Variants in MSH4 observed in about 807,000 individuals in gnomAD.
The protein encoded by MSH4 is mutS protein homolog 4.
In MSH4, 106 loss-of-function variants were observed where a neutral mutation model predicts 113.7. The ratio of observed to expected loss-of-function variants is 0.93; its 90% CI spans 0.80 to 1.10. The LOEUF (loss-of-function observed/expected upper bound fraction) is 1.10, where lower values mean the gene tolerates loss of function less well. Among genes scored for constraint, MSH4 ranks in the 50% least tolerant of loss-of-function variants. The probability of loss-of-function intolerance (pLI) is 0.00; values close to 1 mark genes in which losing one functional copy is unlikely to be tolerated. For synonymous variants in MSH4, 368 were observed against 380.2 expected (o/e 0.97, Z 0.37); for missense variants, 1,061 against 1,093.7 (o/e 0.97, Z 0.42).
In MSH4 at chr1:75,803,801, C is replaced by T. The variant is rs1570938301; in HGVS notation, c.315C>T (p.Ser105=). Residue 105 remains serine, a synonymous_variant, in exon 2 of 20, where the codon AGC becomes AGT. Transcript: ENST00000263187. ...CATCAAATTTTACTTTTGGTGCAAG[C>T]TCATCTTCTGCACGAGATACTAATT... The part of the protein sequence containing the change: ...TVASNFTFGA[S]SSSARDTNYP... 2 of 1,607,226 alleles carry T rather than the reference C, an allele frequency of 1.2e-6. No homozygotes were observed. The highest frequency in any genetic ancestry group is 2.3e-5 in the East Asian group (1 of 44,418).
intron 6 of MSH4, among the ~76,000 whole-genome samples, chr1:75,818,994 C>T (rs1436148907): frequency 1.3e-5 from 2 of 152,010 alleles, no homozygotes; most frequent in Non-Finnish European, 2.9e-5. Context: ...TCTCGATCTC[C>T]TGACCTCATG....
chr1:75,811,909 T>C (rs1406492297), intron 4 of MSH4, among the ~76,000 whole-genome samples: 2 of 152,340 alleles, frequency 1.3e-5, no homozygotes, highest in African/African-American at 2.4e-5. Context: ...ATTTCCTGTA[T>C]AGATGAGCTG....
At chr1:75,885,816 G>T (rs1372796874) in intron 15 of MSH4, among the ~76,000 whole-genome samples, 3 of 121,104 alleles carry the variant, frequency 2.5e-5, no homozygotes, top group African/African-American at 6.3e-5. Context: ...TACATATTAT[G>T]TATAGTATAT....
chr1:75,833,483 T>A (rs570316766), intron 7 of MSH4, among the ~76,000 whole-genome samples: 2 of 152,030 alleles, frequency 1.3e-5, no homozygotes, highest in Non-Finnish European at 2.9e-5. Context: ...AACTGGACAA[T>A]CCTAAACCAA....
Position 75,899,604 on chromosome 1 carries a change from A to G in MSH4, c.2531-14A>G, listed in dbSNP as rs200740326. 566 of 1,455,092 alleles carry G rather than the reference A, an allele frequency of 3.9e-4. No individual in the cohort carries two copies. Among genetic ancestry groups the G allele is most frequent in the Non-Finnish European group, 4.9e-4 (532 of 1,096,590 alleles). The allele number at this position is 1,455,092 out of a possible 1,614,324, so 90.1% of individuals were successfully genotyped here. On this transcript the variant is annotated splice_polypyrimidine_tract_variant and intron_variant, in intron 18 of 19. Transcript: ENST00000263187. ...TAACAATATTGAAGCCAAATTTAAA[A>G]CAAATAATTCTAGGATTAAAAGCTG...
At chr1:75,843,965 C>T (rs1651023836) in intron 7 of MSH4, among the ~76,000 whole-genome samples, 1 of 152,164 alleles carries the variant, frequency 6.6e-6, no homozygotes, top group South Asian at 2.1e-4. Flanking sequence ...GCATGCACCA[C>T]CATGCCTGGC....
At chr1:75,837,386 CTTTTTTT>C (rs34812368) in intron 7 of MSH4, among the ~76,000 whole-genome samples, 1 of 106,628 alleles carries the variant, frequency 9.4e-6, no homozygotes, top group Non-Finnish European at 1.9e-5. Flanking sequence ...AAATTGTGCC[CTTTTTTT>C]TTTTTTTTTT....
rs185204362 is a variant in MSH4 at position 75,896,932 on chromosome 1, T to G, written c.2356-975T>G. ...GTTTTGTTTTATACTCCTTTTGATT[T>G]GTTGAGTAGGTATTTAAGAATTTTC... On this transcript the variant is annotated intron_variant, in intron 17 of 19. Coordinates refer to ENST00000263187, the MANE Select transcript of MSH4 (RefSeq NM_002440.4). Among the ~76,000 whole-genome samples, 62 of 152,302 alleles carry G rather than the reference T, an allele frequency of 4.1e-4. 1 individual carries two copies. Among genetic ancestry groups the G allele is most frequent in the Middle Eastern group, 3.4e-3 (1 of 294 alleles).
intron 7 of MSH4, among the ~76,000 whole-genome samples, chr1:75,832,915 G>T (rs1448470080): frequency 3.3e-5 from 5 of 152,138 alleles, no homozygotes; most frequent in Non-Finnish European, 7.3e-5. Context: ...ATTCAACATA[G>T]TGTTGGCAGT....
chr1:75,797,268 G>A, intron 1 of MSH4, 39 bp downstream of exon 1: 1 of 1,572,672 alleles, frequency 6.4e-7, no homozygotes, highest in Non-Finnish European at 8.6e-7. Flanking sequence ...CTTGAGGCTA[G>A]AGGCCGGCAG....
At chr1:75,825,420 T>C (rs1373864851) in intron 7 of MSH4, among the ~76,000 whole-genome samples, 2 of 152,204 alleles carry the variant, frequency 1.3e-5, no homozygotes, top group Non-Finnish European at 2.9e-5. Context: ...CAGAGACAAT[T>C]TGACTTTCTC....
intron 17 of MSH4, among the ~76,000 whole-genome samples, chr1:75,895,798 G>A (rs1652366611): frequency 6.6e-6 from 1 of 152,068 alleles, no homozygotes; most frequent in South Asian, 2.1e-4. Flanking sequence ...TTTCTCAGTT[G>A]TGCTGAAGAC....
At chr1:75,811,634 A>T (rs557882402) in intron 4 of MSH4, among the ~76,000 whole-genome samples, 3 of 152,314 alleles carry the variant, frequency 2.0e-5, no homozygotes, top group African/African-American at 7.2e-5. Flanking sequence ...TATCTGTAGG[A>T]CTGTAGTGGG....
At chr1:75,846,607 C>T (rs1188128280) in intron 7 of MSH4, among the ~76,000 whole-genome samples, 3 of 152,212 alleles carry the variant, frequency 2.0e-5, no homozygotes, top group Non-Finnish European at 4.4e-5. Context: ...TTCAGTTCCA[C>T]CTGAGTCCTC....
chr1:75,844,288 CTA>C (rs1253022310), intron 7 of MSH4, among the ~76,000 whole-genome samples: 4 of 152,078 alleles, frequency 2.6e-5, no homozygotes, highest in African/African-American at 4.8e-5. Flanking sequence ...AAAACAATCT[CTA>C]TGTTAAATGG....
At chr1:75,832,291 A>G (rs1015501488) in intron 7 of MSH4, among the ~76,000 whole-genome samples, 2 of 152,084 alleles carry the variant, frequency 1.3e-5, no homozygotes, top group Admixed American at 6.6e-5. Flanking sequence ...AAGGCAATAA[A>G]TAATAGCCTA....
chr1:75,906,652 A>G (rs187690492), intron 19 of MSH4, among the ~76,000 whole-genome samples: 2 of 136,714 alleles, frequency 1.5e-5, no homozygotes, highest in East Asian at 4.1e-4. Flanking sequence ...TTTTAAACAG[A>G]TAACTACTTA....
At chr1:75,845,065 C>T (rs1651047050) in intron 7 of MSH4, among the ~76,000 whole-genome samples, 1 of 152,168 alleles carries the variant, frequency 6.6e-6, no homozygotes, top group African/African-American at 2.4e-5. Context: ...GGCATTAATC[C>T]ATTCATGAGG....
intron 17 of MSH4, among the ~76,000 whole-genome samples, chr1:75,894,039 C>T (rs1442397820): frequency 1.3e-5 from 2 of 152,096 alleles, no homozygotes; most frequent in Non-Finnish European, 2.9e-5. Flanking sequence ...GTCCAAATGA[C>T]ATACCTTTTA....
Sources: allele counts gnomAD v4.1 joint callset (sites outside exome capture counted in the v4.1 genomes callset), GRCh38; gene constraint gnomAD v4.1.1; transcripts MANE v1.5; gene names NCBI Gene and HGNC (gene_info 2026-07-23, HGNC 2026-07-21).